Variants in TTC6 observed in about 807,000 individuals in gnomAD.
TTC6 encodes tetratricopeptide repeat domain 6.
TTC6 carries 172 observed loss-of-function variants against 210.4 expected under a neutral mutation model. The observed-to-expected ratio is 0.82, with a 90% CI of 0.72 to 0.93. TTC6 has a LOEUF of 0.93. Among genes scored for constraint, TTC6 ranks in the 40% least tolerant of loss-of-function variants. The pLI, the probability that TTC6 is intolerant of heterozygous loss-of-function variation, is 0.00. For missense variants in TTC6, 2,414 were observed against 2,318.1 expected (o/e 1.04, Z -0.85); for synonymous variants, 804 against 819.6 (o/e 0.98, Z 0.32).
chr14:37,723,983 C>T (rs72674287), intron 6 of TTC6, among the ~76,000 whole-genome samples: 2,487 of 151,984 alleles, frequency 0.016, 22 homozygotes, highest in South Asian at 0.045. Context: ...TGTCATGTAG[C>T]CACAATTCCA....
In TTC6 at chr14:37,749,609, G is replaced by A. The variant is rs557821910; in HGVS notation, c.2827-105G>A. On this transcript the variant is annotated intron_variant, in intron 11 of 30. Transcript: ENST00000553443. ...ATTGGGAGGTTTTATTTTATGTTAC[G>A]TACATACAAAGCCACTGGGATCAAC... is the stretch of plus-strand genomic sequence containing the variant. 4.6e-5 allele frequency: 47 copies of A among 1,025,804 alleles called. No homozygotes were observed. In the South Asian group the frequency reaches 5.8e-4, roughly 13 times the overall value. 63.5% of individuals were successfully genotyped at this position (1,025,804 alleles called of 1,614,324 possible).
intron 14 of TTC6, among the ~76,000 whole-genome samples, chr14:37,767,058 T>C (rs1222338845): frequency 2.6e-5 from 4 of 152,214 alleles, no homozygotes; most frequent in Non-Finnish European, 5.9e-5. Context: ...TGTTTGGTTT[T>C]TTGTTCTCAT....
chr14:37,631,850 A>G (rs1055487964), intron 1 of TTC6, among the ~76,000 whole-genome samples: 1 of 151,858 alleles, frequency 6.6e-6, no homozygotes, highest in East Asian at 1.9e-4. Context: ...TTCACGCTTT[A>G]TTTCATTAAG....
intron 14 of TTC6, among the ~76,000 whole-genome samples, chr14:37,779,071 C>T (rs1418026390): frequency 1.3e-5 from 2 of 152,150 alleles, no homozygotes; most frequent in East Asian, 1.9e-4. Flanking sequence ...CCATGGGGGT[C>T]ATGAGGTCTC....
intron 1 of TTC6, among the ~76,000 whole-genome samples, chr14:37,660,860 T>C (rs974751117): frequency 2.6e-5 from 4 of 152,236 alleles, no homozygotes; most frequent in African/African-American, 7.2e-5. Context: ...GTTTCTTGAC[T>C]TTTTAATACT....
intron 12 of TTC6, 133 bp downstream of exon 14, chr14:37,749,976 C>T (rs867531035): frequency 1.7e-5 from 9 of 536,412 alleles, no homozygotes; most frequent in Admixed American, 4.7e-5. Flanking sequence ...AATTTTTTTA[C>T]TCTTGTTATT....
At chr14:37,841,942 C>G (rs1008343230) in intron 30 of TTC6, among the ~76,000 whole-genome samples, 6 of 152,016 alleles carry the variant, frequency 3.9e-5, no homozygotes, top group African/African-American at 7.3e-5. Context: ...CTGTGTTTCC[C>G]CAAGTTAGTT....
intron 14 of TTC6, among the ~76,000 whole-genome samples, chr14:37,767,647 G>GTTTGTTT: frequency 6.6e-6 from 1 of 152,182 alleles, no homozygotes; most frequent in Admixed American, 6.5e-5. Flanking sequence ...TAATGGGGTT[G>GTTTGTTT]TTTGTTTTTT....
At chr14:37,782,143 G>T (rs1566950520) in intron 14 of TTC6, among the ~76,000 whole-genome samples, 1 of 151,990 alleles carries the variant, frequency 6.6e-6, no homozygotes, top group African/African-American at 2.4e-5. Flanking sequence ...CTTTAAAGTA[G>T]TTTTTTTTAG....
At chr14:37,698,373 G>A (rs1358964984) in intron 4 of TTC6, among the ~76,000 whole-genome samples, 1 of 152,158 alleles carries the variant, frequency 6.6e-6, no homozygotes, top group Admixed American at 6.6e-5. Context: ...CAGATTGGTT[G>A]TGATGCTTTT....
rs1180918016 is a variant in TTC6 at position 37,842,123 on chromosome 14, T to C, written c.5525-32T>C. The stretch of plus-strand genomic sequence containing the variant: ...AAGAGACTATTTTTTGAGTGCCAAC[T>C]TAAATATATCTTGATTTTTTTTCTT... On this transcript the variant is annotated intron_variant, in intron 30 of 30. Coordinates refer to ENST00000553443, the Ensembl canonical transcript of TTC6. The C allele has an allele frequency of 3.4e-6, 5 of 1,479,044 alleles. No individual in the cohort carries two copies. In the African/African-American group the frequency reaches 5.8e-5, roughly 17 times the overall value. The allele number at this position is 1,479,044 out of a possible 1,614,324, so 91.6% of individuals were successfully genotyped here.
chr14:37,790,695 A>G (rs2096077327), intron 15 of TTC6, 22 bp from the exon 18 acceptor site: 3 of 1,521,146 alleles, frequency 2.0e-6, no homozygotes, highest in African/African-American at 1.4e-5. Context: ...TGAATGAAAT[A>G]CATTTTTTTA....
chr14:37,622,844 G>A, exon 1 of TTC6: 1 of 1,534,262 alleles, frequency 6.5e-7, no homozygotes, highest in Non-Finnish European at 8.7e-7. Flanking sequence ...GCGACGCGCG[G>A]GAGGCCGCCT....
At chr14:37,712,979 C>T (rs144085535) in intron 5 of TTC6, among the ~76,000 whole-genome samples, 4 of 152,246 alleles carry the variant, frequency 2.6e-5, no homozygotes, top group African/African-American at 9.6e-5. Context: ...ATTCACAGAG[C>T]ATGTTTAACT....
intron 1 of TTC6, among the ~76,000 whole-genome samples, chr14:37,638,946 T>C (rs1471627613): frequency 6.6e-6 from 1 of 152,242 alleles, no homozygotes; most frequent in East Asian, 1.9e-4. Flanking sequence ...CAATACTTAC[T>C]GTTGTTTATC....
chr14:37,804,935 C>A, intron 21 of TTC6, 121 bp downstream of exon 23: 1 of 1,089,224 alleles, frequency 9.2e-7, no homozygotes, highest in Non-Finnish European at 1.3e-6. Context: ...GCTTATGAAG[C>A]TTGGCTTGTT....
chr14:37,705,574 T>A (rs962403231), intron 5 of TTC6, among the ~76,000 whole-genome samples: 1 of 152,286 alleles, frequency 6.6e-6, no homozygotes, highest in Admixed American at 6.5e-5. Flanking sequence ...TAAACATCTT[T>A]CCATGTCAAT....
At chr14:37,816,190 G>T (rs1027397738) in intron 25 of TTC6, among the ~76,000 whole-genome samples, 1 of 152,074 alleles carries the variant, frequency 6.6e-6, no homozygotes, top group Admixed American at 6.5e-5. Flanking sequence ...TCAATGTGGG[G>T]TGTCCACATC....
At position 37,771,641 on chromosome 14, in the gene TTC6, G is replaced by T. The variant is rs1334338145; in HGVS notation, c.3267-15827G>T. Among the ~76,000 whole-genome samples the T allele has an allele frequency of 7.2e-5, 11 of 152,160 alleles. No individual in the cohort carries two copies. In the East Asian group the frequency reaches 2.1e-3, roughly 29 times the overall value. ...TTCTTCACGTAGTTCTCGAGCCTTG[G>T]TTTTCAGCTCCATCAGCTCCTTTAA... On this transcript the variant is annotated intron_variant, in intron 14 of 30. Transcript: ENST00000553443.
Sources: gnomAD v4.1 joint callset for allele counts (sites outside exome capture counted in the v4.1 genomes callset) on GRCh38, gnomAD v4.1.1 for gene constraint, MANE v1.5 for transcripts, NCBI Gene and HGNC (gene_info 2026-07-23, HGNC 2026-07-21) for gene names.